The following SND1 variants were observed in gnomAD, a reference collection of about 807,000 sequenced individuals.
The protein encoded by SND1 is staphylococcal nuclease and tudor domain containing 1.
Under a neutral mutation model 121.7 loss-of-function variants are expected in SND1, and 38 were observed. The ratio of observed to expected loss-of-function variants is 0.31; its 90% CI spans 0.24 to 0.41. SND1 has a LOEUF of 0.41. Among genes scored for constraint, SND1 ranks in the 10% least tolerant of loss-of-function variants. SND1 has a pLI of 1.00. For synonymous variants in SND1, 401 were observed against 447.4 expected (o/e 0.90, Z 1.31); for missense variants, 868 against 1,184.6 (o/e 0.73, Z 3.92).
At chr7:127,804,438 T>C (rs1798195223) in intron 10 of SND1, among the ~76,000 whole-genome samples, 1 of 152,190 alleles carries the variant, frequency 6.6e-6, no homozygotes, top group Non-Finnish European at 1.5e-5. Flanking sequence ...TATTTTGTCC[T>C]GTGGAGTGTC....
intron 13 of SND1, among the ~76,000 whole-genome samples, chr7:127,900,333 G>T (rs554181507): frequency 5.3e-5 from 8 of 152,276 alleles, no homozygotes; most frequent in African/African-American, 1.7e-4. Flanking sequence ...CGTTGAATTG[G>T]CAGTAAGATG....
At chr7:128,069,520 C>G (rs910576864) in intron 16 of SND1, among the ~76,000 whole-genome samples, 8 of 152,204 alleles carry the variant, frequency 5.3e-5, no homozygotes, top group African/African-American at 1.9e-4. Context: ...ATGGGCCAGT[C>G]AGTGTGCTCA....
At chr7:127,838,293 G>A (rs1362636039) in intron 11 of SND1, among the ~76,000 whole-genome samples, 1 of 152,194 alleles carries the variant, frequency 6.6e-6, no homozygotes, top group African/African-American at 2.4e-5. Flanking sequence ...GGAGAACAAG[G>A]AACAGGGGAG....
chr7:127,778,609 G>A (rs1797665004), intron 10 of SND1, among the ~76,000 whole-genome samples: 1 of 152,204 alleles, frequency 6.6e-6, no homozygotes, highest in Non-Finnish European at 1.5e-5. Context: ...TGACTTAGGA[G>A]TGACTAATCT....
At chr7:127,682,036 C>T (rs1233616494) in intron 1 of SND1, among the ~76,000 whole-genome samples, 1 of 152,186 alleles carries the variant, frequency 6.6e-6, no homozygotes, top group Non-Finnish European at 1.5e-5. Flanking sequence ...CATTGACATA[C>T]AAATTTCTGT....
chr7:127,871,328 A>G (rs1799581954), intron 12 of SND1, among the ~76,000 whole-genome samples: 1 of 152,154 alleles, frequency 6.6e-6, no homozygotes, highest in Non-Finnish European at 1.5e-5. Flanking sequence ...ATCCATTACC[A>G]TTACTGCCTG....
At position 127,835,160 on chromosome 7, in the gene SND1, T is replaced by C. The variant is rs112628520; in HGVS notation, c.1243-9164T>C. Among the ~76,000 whole-genome samples the C allele has an allele frequency of 6.6e-3, 1,008 of 152,208 alleles. 12 individuals carry two copies. Among genetic ancestry groups the C allele is most frequent in the Non-Finnish European group, 8.2e-3 (559 of 68,002 alleles). On this transcript the variant is annotated intron_variant, in intron 11 of 23. Transcript: ENST00000354725. ...CATCCATTTCTTAATAATATCCCCT[T>C]CCCCCCACTAATTATTCTTAGAAGC...
chr7:127,821,075 AGAT>A (rs1798538539), intron 11 of SND1, among the ~76,000 whole-genome samples: 1 of 152,210 alleles, frequency 6.6e-6, no homozygotes, highest in Admixed American at 6.5e-5. Flanking sequence ...GTTCTCAGCG[AGAT>A]GATATTGTGT....
At chr7:127,911,501 T>C (rs1398053113) in intron 14 of SND1, among the ~76,000 whole-genome samples, 2 of 151,700 alleles carry the variant, frequency 1.3e-5, no homozygotes, top group Admixed American at 6.6e-5. Context: ...TGAGCTACCA[T>C]GGCTGGCCTC....
intron 12 of SND1, among the ~76,000 whole-genome samples, chr7:127,868,724 T>G (rs998879119): frequency 5.3e-5 from 8 of 152,220 alleles, no homozygotes. Flanking sequence ...AGACTTGGAA[T>G]TTAAAATCTC....
chr7:127,979,113 A>G (rs921322318), intron 15 of SND1, among the ~76,000 whole-genome samples: 2 of 152,212 alleles, frequency 1.3e-5, no homozygotes, highest in African/African-American at 4.8e-5. Context: ...ACAAATATTC[A>G]TGGTACAACT....
At chr7:127,681,682 ACTTCATT>A (rs1795730300) in intron 1 of SND1, among the ~76,000 whole-genome samples, 1 of 152,090 alleles carries the variant, frequency 6.6e-6, no homozygotes, top group African/African-American at 2.4e-5. Flanking sequence ...TAGAGGGCCA[ACTTCATT>A]CTTTTGCACA....
intron 9 of SND1, among the ~76,000 whole-genome samples, chr7:127,720,838 G>A (rs1796481850): frequency 6.6e-6 from 1 of 151,950 alleles, no homozygotes; most frequent in Non-Finnish European, 1.5e-5. Context: ...GCTCTCTATT[G>A]GGGCATCCTA....
At chr7:127,854,422 C>T (rs571871476) in intron 12 of SND1, among the ~76,000 whole-genome samples, 9 of 152,246 alleles carry the variant, frequency 5.9e-5, no homozygotes, top group Admixed American at 2.0e-4. Flanking sequence ...GCCACCACTC[C>T]GGCCAGGGCT....
chr7:127,790,927 G>T (rs991028759), intron 10 of SND1, among the ~76,000 whole-genome samples: 1 of 152,154 alleles, frequency 6.6e-6, no homozygotes, highest in Admixed American at 6.5e-5. Flanking sequence ...AGCTTGTTCA[G>T]CAAGCAGTTT....
chr7:127,882,612 A>C (rs1357553507), intron 12 of SND1, among the ~76,000 whole-genome samples: 1 of 151,994 alleles, frequency 6.6e-6, no homozygotes, highest in Non-Finnish European at 1.5e-5. Flanking sequence ...ACTTCAATTT[A>C]AAAAGAGAAT....
chr7:127,715,206 A>G (rs778048845), intron 9 of SND1, among the ~76,000 whole-genome samples: 1 of 149,544 alleles, frequency 6.7e-6, no homozygotes, highest in Non-Finnish European at 1.5e-5. Flanking sequence ...GTGTGAGGTG[A>G]TGTCTCATTG....
At chr7:127,782,593 T>A (rs1252997485) in intron 10 of SND1, among the ~76,000 whole-genome samples, 1 of 152,198 alleles carries the variant, frequency 6.6e-6, no homozygotes, top group East Asian at 1.9e-4. Flanking sequence ...TGATTTTTAA[T>A]TTGGCAAGAG....
At chr7:127,994,587 A>G (rs1371048102) in intron 16 of SND1, among the ~76,000 whole-genome samples, 2 of 119,156 alleles carry the variant, frequency 1.7e-5, no homozygotes, top group Non-Finnish European at 1.7e-5. Flanking sequence ...AAAAAAAAAC[A>G]GTAAATTCAG....
Sources: gnomAD v4.1 joint callset for allele counts (sites outside exome capture counted in the v4.1 genomes callset) on GRCh38, gnomAD v4.1.1 for gene constraint, MANE v1.5 for transcripts, NCBI Gene and HGNC (gene_info 2026-07-23, HGNC 2026-07-21) for gene names.